Variants in LRRC4C observed in about 807,000 individuals in gnomAD.
The protein encoded by LRRC4C is leucine-rich repeat-containing protein 4C.
LRRC4C carries 5 observed loss-of-function variants against 33.6 expected under a neutral mutation model. That is an observed-to-expected ratio of 0.15 (90% confidence interval 0.08 to 0.31). The LOEUF is 0.31. LRRC4C is among the 10% of genes least tolerant of loss of function. The pLI is 1.00. For missense variants in LRRC4C, 560 were observed against 796.7 expected, an observed-to-expected ratio of 0.70 and a Z score of 3.58; for synonymous variants, 329 against 302.0, an observed-to-expected ratio of 1.09 and a Z score of -0.93.
At chr11:40,256,446 C>T (rs1867208727) in intron 4 of LRRC4C, among the ~76,000 whole-genome samples, 1 of 152,138 alleles carries the variant, frequency 6.6e-6, no homozygotes. Context: ...CCTTCCTTCT[C>T]TGCCCTAGAA....
chr11:40,784,185 A>C (rs898872544), intron 2 of LRRC4C, among the ~76,000 whole-genome samples: 5 of 152,202 alleles, frequency 3.3e-5, no homozygotes, highest in African/African-American at 2.4e-5. Context: ...GTTTACCTTC[A>C]TGTTTCACTG....
At chr11:41,140,105 G>A (rs192585619) in intron 1 of LRRC4C, among the ~76,000 whole-genome samples, 2 of 152,236 alleles carry the variant, frequency 1.3e-5, no homozygotes, top group Non-Finnish European at 2.9e-5. Context: ...TTCTGACTTT[G>A]AGCTTCTTCA....
intron 3 of LRRC4C, among the ~76,000 whole-genome samples, chr11:40,421,289 C>T (rs916594620): frequency 3.9e-5 from 6 of 152,200 alleles, no homozygotes; most frequent in Admixed American, 6.5e-5. Flanking sequence ...AAGTATTAGA[C>T]AATTTGGGTG....
chr11:40,869,407 A>G (rs1467945886), intron 2 of LRRC4C, among the ~76,000 whole-genome samples: 1 of 152,138 alleles, frequency 6.6e-6, no homozygotes, highest in Non-Finnish European at 1.5e-5. Context: ...TCAGGCAGTT[A>G]GTAAACTAAA....
intron 2 of LRRC4C, among the ~76,000 whole-genome samples, chr11:40,692,489 G>T (rs1248480131): frequency 6.6e-6 from 1 of 151,996 alleles, no homozygotes; most frequent in Non-Finnish European, 1.5e-5. Flanking sequence ...CTTAAAATAT[G>T]AATATTTTAA....
chr11:40,784,276 C>G (rs2137305274), intron 2 of LRRC4C, among the ~76,000 whole-genome samples: 1 of 152,188 alleles, frequency 6.6e-6, no homozygotes, highest in Admixed American at 6.5e-5. Flanking sequence ...AGCAACTGCC[C>G]AGGTTTACCC....
At chr11:40,412,156 A>C (rs559546685) in intron 3 of LRRC4C, among the ~76,000 whole-genome samples, 10 of 152,102 alleles carry the variant, frequency 6.6e-5, no homozygotes, top group Non-Finnish European at 1.2e-4. Context: ...AGAAACTTTT[A>C]CATATGCTAC....
In LRRC4C at chr11:41,148,082, CAT is replaced by C. The variant is rs146503866; in HGVS notation, c.-495-214361_-495-214360del. Among the ~76,000 whole-genome samples the C allele has an allele frequency of 2.1e-3, 320 of 152,142 alleles. 10 individuals carry two copies. In the East Asian group the frequency reaches 0.05, roughly 24 times the overall value. ...TGCCCAGGCTGGAATGCAGTGACGCCATCTCGGCTCACTGTAACCTCCGCCTC... is the reference window on the plus strand; with the variant it reads ...TGCCCAGGCTGGAATGCAGTGACGCCCTCGGCTCACTGTAACCTCCGCCTC... On this transcript the variant is annotated intron_variant, in intron 1 of 6. Transcript: ENST00000528697.
chr11:40,823,163 T>C (rs1952013025), intron 2 of LRRC4C, among the ~76,000 whole-genome samples: 1 of 151,812 alleles, frequency 6.6e-6, no homozygotes, highest in Non-Finnish European at 1.5e-5. Flanking sequence ...TACTTTACTG[T>C]ATGTAAAAAT....
chr11:41,354,243 A>G (rs1952082445), intron 1 of LRRC4C, among the ~76,000 whole-genome samples: 1 of 152,136 alleles, frequency 6.6e-6, no homozygotes, highest in African/African-American at 2.4e-5. Flanking sequence ...CCAAGCTAAG[A>G]GCGAAATCAA....
At chr11:41,163,284 G>GTTTTTTTTTTTTTCTTTTTTTT (rs1944558449) in intron 1 of LRRC4C, among the ~76,000 whole-genome samples, 1 of 73,382 alleles carries the variant, frequency 1.4e-5, no homozygotes, top group Non-Finnish European at 2.4e-5. Flanking sequence ...TACTGTAACT[G>GTTTTTTTTTTTTTCTTTTTTTT]TTTTTTTTTT....
intron 2 of LRRC4C, among the ~76,000 whole-genome samples, chr11:40,729,166 T>C (rs35594219): frequency 0.042 from 6,387 of 152,236 alleles, 187 homozygotes; most frequent in Non-Finnish European, 0.066. Context: ...AAATAAATTA[T>C]TGTAAAAATG....
intron 1 of LRRC4C, among the ~76,000 whole-genome samples, chr11:40,945,504 A>G (rs1240272723): frequency 1.3e-5 from 2 of 152,136 alleles, no homozygotes; most frequent in Admixed American, 6.6e-5. Context: ...TTTGAACACA[A>G]TCGTACCCCT....
chr11:41,309,576 T>C (rs539039760), intron 1 of LRRC4C, among the ~76,000 whole-genome samples: 1 of 152,346 alleles, frequency 6.6e-6, no homozygotes, highest in South Asian at 2.1e-4. Context: ...ACACTCCTAC[T>C]GTCAAATCTG....
At chr11:40,212,406 T>A (rs1863667671) in intron 5 of LRRC4C, among the ~76,000 whole-genome samples, 1 of 151,928 alleles carries the variant, frequency 6.6e-6, no homozygotes, top group South Asian at 2.1e-4. Context: ...TAGAAACTAC[T>A]TTTAGTAGTA....
chr11:40,485,987 C>G (rs367580697), intron 3 of LRRC4C, among the ~76,000 whole-genome samples: 10 of 151,670 alleles, frequency 6.6e-5, no homozygotes, highest in African/African-American at 2.4e-4. Flanking sequence ...ACACCGAGGC[C>G]TATGGGAAGG....
chr11:40,725,244 C>T (rs1256865458), intron 2 of LRRC4C, among the ~76,000 whole-genome samples: 6 of 152,192 alleles, frequency 3.9e-5, no homozygotes, highest in Admixed American at 6.5e-5. Flanking sequence ...CAGTGGCTCA[C>T]GCCTGTAATC....
chr11:40,629,926 C>A (rs537692657), intron 3 of LRRC4C, among the ~76,000 whole-genome samples: 2 of 152,150 alleles, frequency 1.3e-5, no homozygotes, highest in East Asian at 3.9e-4. Flanking sequence ...TAATATATTT[C>A]ATAATATTTC....
chr11:41,208,894 C>T (rs1453566904), intron 1 of LRRC4C, among the ~76,000 whole-genome samples: 2 of 152,080 alleles, frequency 1.3e-5, no homozygotes, highest in African/African-American at 2.4e-5. Context: ...TAGGGCACCC[C>T]ACAGAACTGA....
Sources: allele counts gnomAD v4.1 joint callset (sites outside exome capture counted in the v4.1 genomes callset), GRCh38; gene constraint gnomAD v4.1.1; transcripts MANE v1.5; gene names NCBI Gene and HGNC (gene_info 2026-07-23, HGNC 2026-07-21).